PPP3CA: variants seen among roughly 807,000 people sequenced by gnomAD.
The protein encoded by PPP3CA is protein phosphatase 3 catalytic subunit alpha.
In PPP3CA, 14 loss-of-function variants were observed where a neutral mutation model predicts 66.5. That is an observed-to-expected ratio of 0.21 (90% CI 0.14 to 0.33). The LOEUF is 0.33. PPP3CA is among the 10% of genes least tolerant of loss of function. PPP3CA has a pLI of 1.00. For synonymous variants in PPP3CA, 232 were observed against 226.2 expected (o/e 1.03, Z -0.23); for missense variants, 317 against 639.5 (o/e 0.50, Z 5.44).
intron 8 of PPP3CA, among the ~76,000 whole-genome samples, chr4:101,066,742 G>A (rs1271823295): frequency 2.6e-5 from 4 of 151,826 alleles, no homozygotes; most frequent in African/African-American, 7.3e-5. Context: ...CACAGTTAAC[G>A]TTTCATCTTC....
intron 10 of PPP3CA, among the ~76,000 whole-genome samples, chr4:101,042,918 T>C (rs1457795978): frequency 2.0e-5 from 3 of 152,042 alleles, no homozygotes; most frequent in East Asian, 1.9e-4. Flanking sequence ...CAGTCTAACA[T>C]TGTCCTATTA....
intron 10 of PPP3CA, among the ~76,000 whole-genome samples, chr4:101,060,718 G>A (rs1728426289): frequency 6.6e-6 from 1 of 151,964 alleles, no homozygotes; most frequent in Non-Finnish European, 1.5e-5. Context: ...AACCCCATTA[G>A]AGGACATTTT....
chr4:101,343,704 G>A (rs562943226), intron 1 of PPP3CA, among the ~76,000 whole-genome samples: 2 of 152,172 alleles, frequency 1.3e-5, no homozygotes, highest in South Asian at 4.1e-4. Context: ...CATCTCCACT[G>A]CCATCATTCT....
At position 101,323,099 on chromosome 4, in the gene PPP3CA, G is replaced by A. The variant is rs2110324214; in HGVS notation, c.58+23640C>T. The stretch of plus-strand genomic sequence containing the variant: ...CATCTTCTGGGAAATAAATGCACTG[G>A]GCTAACATGTAGTCTTTAGGGTCCC... On this transcript the variant is annotated intron_variant, in intron 1 of 13. Coordinates refer to ENST00000394854, the MANE Select transcript of PPP3CA (RefSeq NM_000944.5). Among the ~76,000 whole-genome samples, 3 of 152,142 alleles carry A rather than the reference G, an allele frequency of 2.0e-5. No individual in the cohort carries two copies. The South Asian group carries it at 6.2e-4, about 32-fold the overall frequency.
intron 1 of PPP3CA, among the ~76,000 whole-genome samples, chr4:101,214,727 T>C (rs1725405663): frequency 2.0e-5 from 3 of 152,256 alleles, no homozygotes; most frequent in Middle Eastern, 3.4e-3. Flanking sequence ...ATGATGTAAC[T>C]AGCCACCAAA....
chr4:101,275,871 TG>T lies in PPP3CA; in HGVS notation c.58+70867del, dbSNP rs1397661633. ...CTGTGTGTATGTGTGGTTTTTTTTT[TG>T]TTTTTTGTTTGTTTGTTTGTTTTTT... On this transcript the variant is annotated intron_variant, in intron 1 of 13. Transcript: ENST00000394854. Among the ~76,000 whole-genome samples the T allele has an allele frequency of 4.8e-3, 671 of 140,964 alleles. 11 individuals carry two copies. In the South Asian group the frequency reaches 0.061, roughly 13 times the overall value. The allele number at this position is 140,964 out of a possible 152,430, so 92.5% of individuals were successfully genotyped here.
chr4:101,310,730 T>G (rs1001784513), intron 1 of PPP3CA, among the ~76,000 whole-genome samples: 7 of 152,166 alleles, frequency 4.6e-5, no homozygotes, highest in Non-Finnish European at 1.0e-4. Flanking sequence ...AAAGTGAAAC[T>G]ACTGAAATCC....
intron 2 of PPP3CA, among the ~76,000 whole-genome samples, chr4:101,174,645 C>T (rs1326532133): frequency 6.6e-6 from 1 of 152,024 alleles, no homozygotes; most frequent in Non-Finnish European, 1.5e-5. Flanking sequence ...CTGTGGGTGA[C>T]AATGGAGGTA....
intron 1 of PPP3CA, among the ~76,000 whole-genome samples, chr4:101,248,392 C>A (rs1206719336): frequency 6.6e-6 from 1 of 152,100 alleles, no homozygotes; most frequent in Non-Finnish European, 1.5e-5. Context: ...GAATAAATGG[C>A]AATTTTTGAA....
chr4:101,226,260 T>C (rs1725779347), intron 1 of PPP3CA, among the ~76,000 whole-genome samples: 1 of 151,700 alleles, frequency 6.6e-6, no homozygotes, highest in Non-Finnish European at 1.5e-5. Context: ...ATACAGGTAC[T>C]TGCGCACACC....
In PPP3CA at chr4:101,346,880, C is replaced by CCGCCGCCGCCGT; in HGVS notation, c.-85_-84insACGGCGGCGGCG. ...GGACCGGCGGGCCAGACACTCAACGCCGCCGCCGCCGCCGCCGCCGCCGCG... is the reference window on the plus strand; with the variant it reads ...GGACCGGCGGGCCAGACACTCAACGCCGCCGCCGCCGTCGCCGCCGCCGCCGCCGCCGCCGCG... On this transcript the variant is annotated 5_prime_UTR_variant, in exon 1 of 14. Transcript: ENST00000394854. The CCGCCGCCGCCGT allele has an allele frequency of 8.8e-7, 1 of 1,130,826 alleles. No homozygotes were observed. Among genetic ancestry groups the CCGCCGCCGCCGT allele is most frequent in the African/African-American group, 1.6e-5 (1 of 62,774 alleles). The allele number at this position is 1,130,826 out of a possible 1,614,324, so 70.0% of individuals were successfully genotyped here. A position where few individuals can be genotyped will look rare whatever the true frequency, so the allele number is the denominator to read the frequency against.
At chr4:101,100,115 T>A (rs1326257156) in intron 3 of PPP3CA, among the ~76,000 whole-genome samples, 3 of 152,088 alleles carry the variant, frequency 2.0e-5, no homozygotes, top group Non-Finnish European at 4.4e-5. Flanking sequence ...TACTGCTATG[T>A]GTAGTGAGAT....
intron 2 of PPP3CA, among the ~76,000 whole-genome samples, chr4:101,178,514 C>G (rs1724135951): frequency 6.6e-6 from 1 of 152,022 alleles, no homozygotes; most frequent in Admixed American, 6.6e-5. Flanking sequence ...ACACTGTCTC[C>G]CATTGACCTC....
At chr4:101,131,006 C>A (rs1305368918) in intron 2 of PPP3CA, among the ~76,000 whole-genome samples, 2 of 152,154 alleles carry the variant, frequency 1.3e-5, no homozygotes, top group South Asian at 2.1e-4. Flanking sequence ...GTGGGCAGAT[C>A]ACCTGAGATT....
intron 10 of PPP3CA, among the ~76,000 whole-genome samples, chr4:101,048,818 G>T (rs1212709795): frequency 6.6e-6 from 1 of 151,878 alleles, no homozygotes; most frequent in South Asian, 2.1e-4. Context: ...TATATTAAGA[G>T]CCTGCAATGA....
chr4:101,051,613 A>C (rs1279506710), intron 10 of PPP3CA, among the ~76,000 whole-genome samples: 1 of 152,174 alleles, frequency 6.6e-6, no homozygotes, highest in African/African-American at 2.4e-5. Flanking sequence ...TGCGAGAAGT[A>C]AAGTGTTCTA....
At chr4:101,196,257 G>T in intron 1 of PPP3CA, 141 bp from the exon 2 acceptor site, 1 of 767,054 alleles carries the variant, frequency 1.3e-6, no homozygotes, top group Non-Finnish European at 2.0e-6. Context: ...ATGATCAAGG[G>T]CTATCTATCA....
At chr4:101,110,102 A>G (rs1721620413) in intron 2 of PPP3CA, among the ~76,000 whole-genome samples, 1 of 152,092 alleles carries the variant, frequency 6.6e-6, no homozygotes, top group South Asian at 2.1e-4. Flanking sequence ...ATATGTGTGT[A>G]TGTGTATATA....
rs1217387934 is a variant in PPP3CA at position 101,029,198 on chromosome 4, G to A, written c.1340-3C>T. ...AGCCTCAATAGCCTCAACAGTAGCT[G>A]AAGAGAAGAAAGGGGGTGCAAAATG... On this transcript the variant is annotated splice_region_variant and splice_polypyrimidine_tract_variant and intron_variant, in intron 12 of 13. Transcript: ENST00000394854. 6.2e-7 allele frequency: 1 copy of A among 1,607,802 alleles called. No homozygotes were observed. The highest frequency in any genetic ancestry group is 8.5e-7 in the Non-Finnish European group (1 of 1,174,680).
Sources: gnomAD v4.1 joint callset for allele counts (sites outside exome capture counted in the v4.1 genomes callset) on GRCh38, gnomAD v4.1.1 for gene constraint, MANE v1.5 for transcripts, NCBI Gene and HGNC (gene_info 2026-07-23, HGNC 2026-07-21) for gene names.